Variants in GNAI3 observed in about 807,000 individuals in gnomAD.
GNAI3 encodes the protein G protein subunit alpha i3, also known as guanine nucleotide-binding protein G(i) subunit alpha-3.
A neutral mutation model predicts 41.8 loss-of-function variants in GNAI3; 12 were observed. The observed-to-expected ratio is 0.29, with a 90% CI of 0.18 to 0.47. The LOEUF is 0.47. Ranked by LOEUF, GNAI3 falls within the 20% of genes least tolerant of loss-of-function variation. The pLI is 1.00. For synonymous variants in GNAI3, 132 were observed against 146.5 expected (o/e 0.90, Z 0.71); for missense variants, 360 against 429.6 (o/e 0.84, Z 1.43).
At chr1:109,563,555 C>CT (rs1032406131) in intron 1 of GNAI3, among the ~76,000 whole-genome samples, 20 of 151,764 alleles carry the variant, frequency 1.3e-4, no homozygotes, top group Non-Finnish European at 2.5e-4. Context: ...AGTGAGCTGC[C>CT]TTTTTTTTAA....
intron 1 of GNAI3, among the ~76,000 whole-genome samples, chr1:109,568,913 A>G (rs1397854819): frequency 6.6e-6 from 1 of 151,962 alleles, no homozygotes; most frequent in African/African-American, 2.4e-5. Context: ...GCTGGTCTTG[A>G]ACTCATGGCC....
Position 109,583,834 on chromosome 1 carries a change from G to A in GNAI3, c.590+1269G>A, listed in dbSNP as rs1001761298. The stretch of plus-strand genomic sequence containing the variant: ...TCTCTATCTCCTGACCTGGTGATCC[G>A]CCCACCTTGGCCTCCCAAAGTGCTG... On this transcript the variant is annotated intron_variant, in intron 5 of 8. Transcript: ENST00000369851. Among the ~76,000 whole-genome samples the A allele has an allele frequency of 3.5e-5, 5 of 144,538 alleles. No individual in the cohort carries two copies. The East Asian group carries it at 6.4e-4, about 19-fold the overall frequency. 94.8% of individuals were successfully genotyped at this position (144,538 alleles called of 152,430 possible).
At chr1:109,564,642 A>G (rs1045196762) in intron 1 of GNAI3, among the ~76,000 whole-genome samples, 2 of 152,148 alleles carry the variant, frequency 1.3e-5, no homozygotes, top group Non-Finnish European at 2.9e-5. Flanking sequence ...TTTTAGAGCT[A>G]GGTCACATAG....
intron 1 of GNAI3, among the ~76,000 whole-genome samples, chr1:109,567,716 G>A (rs1488519953): frequency 1.3e-5 from 2 of 152,114 alleles, no homozygotes; most frequent in African/African-American, 4.8e-5. Flanking sequence ...AAAACTTTGC[G>A]AGGCCTTAAC....
intron 5 of GNAI3, among the ~76,000 whole-genome samples, chr1:109,584,257 C>T (rs1648981177): frequency 6.6e-6 from 1 of 152,130 alleles, no homozygotes; most frequent in Non-Finnish European, 1.5e-5. Flanking sequence ...AGGAAAATAG[C>T]AGTTCAGCTA....
chr1:109,586,094 C>A, intron 5 of GNAI3, 122 bp from the exon 6 acceptor site: 1 of 721,648 alleles, frequency 1.4e-6, no homozygotes, highest in Non-Finnish European at 2.2e-6. Context: ...TTAATCTATT[C>A]TTTTTCTTCT....
chr1:109,560,430 CA>C (rs1557903532), intron 1 of GNAI3, among the ~76,000 whole-genome samples: 1 of 152,078 alleles, frequency 6.6e-6, no homozygotes, highest in East Asian at 1.9e-4. Flanking sequence ...GCTGTTGAGT[CA>C]GGCTTGCCTT....
intron 1 of GNAI3, among the ~76,000 whole-genome samples, chr1:109,555,973 T>TGCGTGC (rs59222550): frequency 6.8e-6 from 1 of 147,596 alleles, no homozygotes; most frequent in Non-Finnish European, 1.5e-5. Context: ...CGTGTGTGTG[T>TGCGTGC]GTGTGTGTGT....
At chr1:109,558,441 C>T (rs1466967899) in intron 1 of GNAI3, among the ~76,000 whole-genome samples, 1 of 151,846 alleles carries the variant, frequency 6.6e-6, no homozygotes, top group African/African-American at 2.4e-5. Flanking sequence ...AAAACAAAAA[C>T]AAAATTTAAA....
chr1:109,558,365 G>T (rs1332874465), intron 1 of GNAI3, among the ~76,000 whole-genome samples: 1 of 152,130 alleles, frequency 6.6e-6, no homozygotes, highest in Non-Finnish European at 1.5e-5. Flanking sequence ...GGACGTTGCA[G>T]TCAGCTGAGG....
At chr1:109,587,322 C>A (rs1274472309) in intron 7 of GNAI3, among the ~76,000 whole-genome samples, 1 of 152,014 alleles carries the variant, frequency 6.6e-6, no homozygotes, top group African/African-American at 2.4e-5. Context: ...TCATTGTGCC[C>A]AAGAGACTGA....
intron 3 of GNAI3, among the ~76,000 whole-genome samples, chr1:109,578,009 G>A (rs949955167): frequency 1.3e-5 from 2 of 152,004 alleles, no homozygotes; most frequent in African/African-American, 2.4e-5. Context: ...ATCTCTCAAG[G>A]TAGATAAATA....
chr1:109,563,755 G>T (rs1648375682), intron 1 of GNAI3, among the ~76,000 whole-genome samples: 1 of 150,112 alleles, frequency 6.7e-6, no homozygotes, highest in Non-Finnish European at 1.5e-5. Context: ...AGTTGTTAGG[G>T]CTTTTAAAAA....
intron 1 of GNAI3, among the ~76,000 whole-genome samples, chr1:109,556,045 CT>C (rs1220346155): frequency 4.9e-4 from 66 of 135,130 alleles, no homozygotes; most frequent in Admixed American, 5.1e-4. Context: ...CATTCTTTTT[CT>C]TTTTTTTTTT....
At chr1:109,590,804 G>T (rs1019932072) in intron 7 of GNAI3, among the ~76,000 whole-genome samples, 1 of 152,038 alleles carries the variant, frequency 6.6e-6, no homozygotes, top group African/African-American at 2.4e-5. Context: ...GACCTCAAGC[G>T]ATCCACCTGC....
Position 109,594,177 on chromosome 1 carries a change from T to A in GNAI3, c.*1855T>A. 6.6e-6 allele frequency: 1 copy of A among 152,450 alleles called. No homozygotes were observed. The allele number at this position is 152,450 out of a possible 1,614,324, so 9.4% of individuals were successfully genotyped here. On this transcript the variant is annotated 3_prime_UTR_variant, in exon 9 of 9. Transcript: ENST00000369851. ...TTCAGTGCCCACAATGTAAACAGGG[T>A]TGGTAGTTGTTACTCATTTTGAATA...
chr1:109,555,963 C>CGTGCGTGCGTGT (rs1163257606), intron 1 of GNAI3, among the ~76,000 whole-genome samples: 3 of 144,534 alleles, frequency 2.1e-5, no homozygotes, highest in African/African-American at 7.8e-5. Flanking sequence ...TGCGTGCGTG[C>CGTGCGTGCGTGT]GTGTGTGTGT....
intron 7 of GNAI3, 112 bp from the exon 8 acceptor site, chr1:109,591,931 C>T: frequency 3.6e-6 from 2 of 557,460 alleles, no homozygotes; most frequent in Non-Finnish European, 6.4e-6. Flanking sequence ...GAATTCTACT[C>T]ATATTTAATT....
chr1:109,553,131 C>T (rs1648034535), intron 1 of GNAI3, among the ~76,000 whole-genome samples: 1 of 152,054 alleles, frequency 6.6e-6, no homozygotes, highest in South Asian at 2.1e-4. Context: ...GTTTTTCAGA[C>T]AGCTGTTTTA....
Sources: allele counts gnomAD v4.1 joint callset (sites outside exome capture counted in the v4.1 genomes callset), GRCh38; gene constraint gnomAD v4.1.1; transcripts MANE v1.5; gene names NCBI Gene and HGNC (gene_info 2026-07-23, HGNC 2026-07-21).